POU2F2: variants seen among roughly 807,000 people sequenced by gnomAD.
The protein encoded by POU2F2 is POU class 2 homeobox 2.
In POU2F2, 14 loss-of-function variants were observed where a neutral mutation model predicts 63.5. That is an observed-to-expected ratio of 0.22 (90% CI 0.15 to 0.34). POU2F2 has a LOEUF of 0.34. Ranked by LOEUF, POU2F2 falls within the 10% of genes least tolerant of loss-of-function variation. The probability of loss-of-function intolerance (pLI) is 1.00; values close to 1 mark genes in which losing one functional copy is unlikely to be tolerated. For missense variants in POU2F2, 607 were observed against 815.2 expected (o/e 0.74, Z 3.11); for synonymous variants, 306 against 348.6 (o/e 0.88, Z 1.36).
chr19:42,117,287 TG>T lies in POU2F2; in HGVS notation c.331del (p.Gln111ArgfsTer6). On this transcript the variant is annotated frameshift_variant, in exon 5 of 15. Coordinates refer to ENST00000692977, the MANE Select transcript of POU2F2 (RefSeq NM_001394376.1). LOFTEE classifies it high-confidence loss of function. This position sits in a 1 kb window ranked among gnomAD's most constrained non-coding sequence, Gnocchi z 4.4. ...PPQPAQPHLP[Q>X]AQLMLTGSQL... is the part of the protein sequence containing the mutation. The stretch of plus-strand genomic sequence containing the variant: ...GCTGCCCGTCAACATGAGTTGGGCC[TG>T]GGGCAGATGAGGCTGGGCCGGCTGA... 1 of 1,502,582 alleles carries T rather than the reference TG, an allele frequency of 6.7e-7. No homozygotes were observed. 93.1% of individuals were successfully genotyped at this position (1,502,582 alleles called of 1,614,324 possible).
chr19:42,191,204 C>T (rs1473552937), intron 1 of POU2F2, among the ~76,000 whole-genome samples: 3 of 152,116 alleles, frequency 2.0e-5, no homozygotes, highest in Non-Finnish European at 4.4e-5. Context: ...ATCATCGGAC[C>T]CCCCCTTGCT....
chr19:42,134,351 C>A (rs999668369), upstream of POU2F2, among the ~76,000 whole-genome samples: 15 of 152,280 alleles, frequency 9.9e-5, no homozygotes, highest in Middle Eastern at 0.017. Context: ...CCACCCACTT[C>A]CAGTGCGGCC....
chr19:42,102,912 C>G (rs2077197925), intron 5 of POU2F2, among the ~76,000 whole-genome samples: 1 of 152,116 alleles, frequency 6.6e-6, no homozygotes, highest in Non-Finnish European at 1.5e-5. Context: ...ACAATGCAAA[C>G]AAAACCCCTC....
At chr19:42,163,022 G>A (rs1387666250) in intron 1 of POU2F2, among the ~76,000 whole-genome samples, 1 of 152,164 alleles carries the variant, frequency 6.6e-6, no homozygotes, top group African/African-American at 2.4e-5. Flanking sequence ...GGAAAATGGA[G>A]GCTCAGACAG....
chr19:42,150,594 C>T (rs990041858), intron 2 of POU2F2, among the ~76,000 whole-genome samples: 2 of 151,104 alleles, frequency 1.3e-5, no homozygotes, highest in Admixed American at 1.3e-4. Context: ...GCGCAGAGGC[C>T]GGCGGCCGGC....
intron 5 of POU2F2, among the ~76,000 whole-genome samples, chr19:42,111,251 T>TG (rs1166581625): frequency 6.6e-6 from 1 of 152,072 alleles, no homozygotes; most frequent in Non-Finnish European, 1.5e-5. Context: ...TCAAGTAGCT[T>TG]GGGGGCTATG....
chr19:42,094,651 T>G (rs2076851335), intron 11 of POU2F2, among the ~76,000 whole-genome samples: 2 of 152,228 alleles, frequency 1.3e-5, no homozygotes, highest in Admixed American at 1.3e-4. Context: ...GTTTCTCAAA[T>G]TGGGCTGGGC....
intron 5 of POU2F2, among the ~76,000 whole-genome samples, chr19:42,110,094 ATTTT>A (rs760668134): frequency 7.1e-6 from 1 of 141,502 alleles, no homozygotes; most frequent in Admixed American, 7.1e-5. Flanking sequence ...CATCTCCACA[ATTTT>A]TTTTTTTTTT....
chr19:42,109,490 T>C (rs1207020051), intron 5 of POU2F2, among the ~76,000 whole-genome samples: 1 of 151,850 alleles, frequency 6.6e-6, no homozygotes, highest in Non-Finnish European at 1.5e-5. Context: ...GTGTTCAAAA[T>C]GAGGAAGGGA....
rs1018209842 is a variant in POU2F2 at position 42,116,847 on chromosome 19, G to A, written c.369+403C>T. ...AGGTCGAGGAGGAGGCAGAGGAGGAGGAGGAGGAGGAAGTAGAGGAGGAGG... is the reference window on the plus strand; with the variant it reads ...AGGTCGAGGAGGAGGCAGAGGAGGAAGAGGAGGAGGAAGTAGAGGAGGAGG... On this transcript the variant is annotated intron_variant, in intron 5 of 14. Coordinates refer to ENST00000692977, the MANE Select transcript of POU2F2 (RefSeq NM_001394376.1). 9 of 414,590 alleles carry A rather than the reference G, an allele frequency of 2.2e-5. No individual in the cohort carries two copies. The East Asian group carries it at 6.5e-4, about 30-fold the overall frequency. 25.7% of individuals were successfully genotyped at this position (414,590 alleles called of 1,614,324 possible).
intron 1 of POU2F2, among the ~76,000 whole-genome samples, chr19:42,182,075 C>T (rs1327703176): frequency 6.6e-6 from 1 of 151,878 alleles, no homozygotes; most frequent in African/African-American, 2.4e-5. Context: ...AGGGAAGAAA[C>T]TGGGGAGAAG....
chr19:42,130,616 A>G (rs565221604), intron 1 of POU2F2, among the ~76,000 whole-genome samples: 34 of 152,022 alleles, frequency 2.2e-4, no homozygotes, highest in Non-Finnish European at 3.5e-4. Context: ...CTGTGTCTAC[A>G]CTGTATGGAC....
rs1224344753 is a variant in POU2F2, at chr19:42,095,945, G to C, written c.730-16C>G. 2 of 1,610,802 alleles carry C rather than the reference G, an allele frequency of 1.2e-6. No homozygotes were observed. The highest frequency in any genetic ancestry group is 2.7e-5 in the African/African-American group (2 of 74,834). On this transcript the variant is annotated splice_polypyrimidine_tract_variant and intron_variant, in intron 8 of 14. Coordinates refer to ENST00000692977, the MANE Select transcript of POU2F2 (RefSeq NM_001394376.1). The surrounding 1 kb of genome is among the most constrained non-coding windows in gnomAD (Gnocchi z 7.1). ...CCACATCACCCTGGGCCAGTGGGGC[G>C]GGGAAGGGCCCGAAGTCAGGGTGGG... is the stretch of plus-strand genomic sequence containing the variant.
chr19:42,154,075 C>A (rs1258842446), intron 2 of POU2F2, among the ~76,000 whole-genome samples: 2 of 151,444 alleles, frequency 1.3e-5, no homozygotes, highest in African/African-American at 4.9e-5. Context: ...CCGTCCCTCC[C>A]AACCCCCCCA....
At chr19:42,143,981 T>C (rs1192574073) in intron 2 of POU2F2, among the ~76,000 whole-genome samples, 1 of 152,088 alleles carries the variant, frequency 6.6e-6, no homozygotes, top group Non-Finnish European at 1.5e-5. Flanking sequence ...TTATTACCTC[T>C]TTTCCCCCAA....
chr19:42,196,887 A>G (rs1416600127), upstream of POU2F2, among the ~76,000 whole-genome samples: 1 of 152,370 alleles, frequency 6.6e-6, no homozygotes, highest in East Asian at 1.9e-4. Context: ...GGCCAGAGGC[A>G]CGTCTGGGGC....
At chr19:42,184,629 C>A (rs542068046) in intron 1 of POU2F2, among the ~76,000 whole-genome samples, 1 of 152,312 alleles carries the variant, frequency 6.6e-6, no homozygotes, top group Non-Finnish European at 1.5e-5. Flanking sequence ...CAAGACACAC[C>A]CTTGTCCCTG....
At chr19:42,142,425 T>A (rs2034146575) in intron 2 of POU2F2, among the ~76,000 whole-genome samples, 1 of 151,992 alleles carries the variant, frequency 6.6e-6, no homozygotes, top group South Asian at 2.1e-4. Flanking sequence ...CTCCTGACCT[T>A]GTGATCCTCC....
chr19:42,112,619 C>G (rs1450256935), intron 5 of POU2F2, among the ~76,000 whole-genome samples: 1 of 152,146 alleles, frequency 6.6e-6, no homozygotes, highest in African/African-American at 2.4e-5. Flanking sequence ...ATCCGCCCAC[C>G]TCGGCCTCCC....
Sources: gnomAD v4.1 joint callset for allele counts (sites outside exome capture counted in the v4.1 genomes callset) on GRCh38, gnomAD v4.1.1 for gene constraint, Gnocchi (gnomAD v3.1) non-coding constraint, MANE v1.5 for transcripts, NCBI Gene and HGNC (gene_info 2026-07-23, HGNC 2026-07-21) for gene names.